PTPRM: variants seen among roughly 807,000 people sequenced by gnomAD.
The protein encoded by PTPRM is receptor-type tyrosine-protein phosphatase mu.
Under a neutral mutation model 186.7 loss-of-function variants are expected in PTPRM, and 47 were observed. The ratio of observed to expected loss-of-function variants is 0.25; its 90% CI spans 0.20 to 0.32. The LOEUF (loss-of-function observed/expected upper bound fraction) is 0.32. PTPRM is among the 10% of genes least tolerant of loss of function. The probability of loss-of-function intolerance (pLI) is 1.00; values close to 1 mark genes in which losing one functional copy is unlikely to be tolerated. For synonymous variants in PTPRM, 668 were observed against 674.9 expected, an observed-to-expected ratio of 0.99 and a Z score of 0.16; for missense variants, 1,494 against 1,865.0, an observed-to-expected ratio of 0.80 and a Z score of 3.66.
At chr18:8,189,513 G>A (rs1044628646) in intron 14 of PTPRM, among the ~76,000 whole-genome samples, 1 of 152,134 alleles carries the variant, frequency 6.6e-6, no homozygotes, top group Non-Finnish European at 1.5e-5. Context: ...AGCCTATTTT[G>A]TTTTATCCTC....
intron 14 of PTPRM, among the ~76,000 whole-genome samples, chr18:8,175,124 A>G (rs2146509238): frequency 6.6e-6 from 1 of 152,266 alleles, no homozygotes; most frequent in East Asian, 1.9e-4. Flanking sequence ...TTTCTGCATC[A>G]CTGGCTTTTG....
chr18:7,645,995 C>T (rs557705755), intron 1 of PTPRM, among the ~76,000 whole-genome samples: 1 of 152,212 alleles, frequency 6.6e-6, no homozygotes, highest in Non-Finnish European at 1.5e-5. Flanking sequence ...ACTGTGTGCC[C>T]ACAACCTTTA....
chr18:7,956,579 G>A (rs188896663), intron 7 of PTPRM, among the ~76,000 whole-genome samples: 2 of 152,290 alleles, frequency 1.3e-5, no homozygotes, highest in Non-Finnish European at 2.9e-5. Flanking sequence ...CTGTTTCTCA[G>A]ACCCCACATC....
chr18:8,099,161 C>CTT (rs2145501961), intron 11 of PTPRM, among the ~76,000 whole-genome samples: 3 of 150,826 alleles, frequency 2.0e-5, no homozygotes, highest in African/African-American at 7.4e-5. Flanking sequence ...CTCTCTCTTT[C>CTT]TCTCTCTCTT....
chr18:8,180,947 TG>T (rs924078243), intron 14 of PTPRM, among the ~76,000 whole-genome samples: 3 of 151,960 alleles, frequency 2.0e-5, no homozygotes, highest in South Asian at 4.2e-4. Flanking sequence ...TGATGGCGGG[TG>T]GGGGGGCCCT....
chr18:8,222,037 G>A (rs2094159376), intron 14 of PTPRM, among the ~76,000 whole-genome samples: 1 of 152,144 alleles, frequency 6.6e-6, no homozygotes, highest in African/African-American at 2.4e-5. Context: ...TGGAGTCTCT[G>A]AGCCTACTTT....
intron 13 of PTPRM, among the ~76,000 whole-genome samples, chr18:8,130,428 T>C (rs556447478): frequency 6.6e-6 from 1 of 152,162 alleles, no homozygotes; most frequent in African/African-American, 2.4e-5. Flanking sequence ...TGATAAATAA[T>C]GCAAAAACGT....
intron 4 of PTPRM, among the ~76,000 whole-genome samples, chr18:7,918,328 G>T (rs929629025): frequency 1.2e-4 from 18 of 151,922 alleles, no homozygotes; most frequent in African/African-American, 3.9e-4. Context: ...TTTTTCATAG[G>T]GGCTGTACTA....
At chr18:7,897,762 C>T (rs1039325043) in intron 3 of PTPRM, among the ~76,000 whole-genome samples, 2 of 152,156 alleles carry the variant, frequency 1.3e-5, no homozygotes, top group Non-Finnish European at 2.9e-5. Flanking sequence ...CATATCAACC[C>T]TGTTCTTTAT....
chr18:8,306,730 A>G (rs546864977), intron 20 of PTPRM, among the ~76,000 whole-genome samples: 2 of 152,334 alleles, frequency 1.3e-5, no homozygotes, highest in Admixed American at 1.3e-4. Flanking sequence ...GGCCCCTCCC[A>G]GCTGGTAAGC....
intron 7 of PTPRM, among the ~76,000 whole-genome samples, chr18:8,042,401 G>T (rs2086750627): frequency 6.6e-6 from 1 of 152,074 alleles, no homozygotes. Flanking sequence ...AGAATGAATG[G>T]TTTAAAAATT....
At chr18:8,011,988 C>T (rs578221549) in intron 7 of PTPRM, among the ~76,000 whole-genome samples, 32 of 152,066 alleles carry the variant, frequency 2.1e-4, no homozygotes, top group Admixed American at 5.9e-4. Context: ...ATAGTTCATC[C>T]CTCCTTTTTG....
chr18:7,679,646 C>A (rs2039433289), intron 1 of PTPRM, among the ~76,000 whole-genome samples: 1 of 152,090 alleles, frequency 6.6e-6, no homozygotes, highest in African/African-American at 2.4e-5. Flanking sequence ...GCCTCGGCGA[C>A]AGAGTGAGAC....
intron 1 of PTPRM, among the ~76,000 whole-genome samples, chr18:7,624,694 C>A (rs1567989897): frequency 1.3e-5 from 2 of 152,170 alleles, no homozygotes; most frequent in African/African-American, 2.4e-5. Flanking sequence ...TCAGGCTGAT[C>A]TTGAATTCCT....
chr18:7,859,153 A>G (rs2047226897), intron 2 of PTPRM, among the ~76,000 whole-genome samples: 1 of 152,198 alleles, frequency 6.6e-6, no homozygotes, highest in South Asian at 2.1e-4. Context: ...AGTTCTATCT[A>G]AAGCTGACGC....
intron 1 of PTPRM, among the ~76,000 whole-genome samples, chr18:7,738,746 G>T (rs1051128314): frequency 6.6e-6 from 1 of 152,026 alleles, no homozygotes; most frequent in Non-Finnish European, 1.5e-5. Context: ...CGGCCAGTTC[G>T]TTCAACTTTT....
intron 24 of PTPRM, among the ~76,000 whole-genome samples, chr18:8,374,619 C>G (rs563764319): frequency 6.6e-6 from 1 of 152,320 alleles, no homozygotes; most frequent in Non-Finnish European, 1.5e-5. Context: ...TCATACTACT[C>G]TGGGATCACA....
At chr18:8,324,335 T>A (rs1414794151) in intron 22 of PTPRM, among the ~76,000 whole-genome samples, 1 of 152,204 alleles carries the variant, frequency 6.6e-6, no homozygotes, top group East Asian at 1.9e-4. Context: ...CATCTCAGGC[T>A]GGGTTTTCTG....
At chr18:7,984,529 T>C (rs2082725052) in intron 7 of PTPRM, among the ~76,000 whole-genome samples, 1 of 143,582 alleles carries the variant, frequency 7.0e-6, no homozygotes, top group Non-Finnish European at 1.5e-5. Flanking sequence ...TAATTTTTAA[T>C]TTTTGTGGGT....
Sources: allele counts gnomAD v4.1 joint callset (sites outside exome capture counted in the v4.1 genomes callset), GRCh38; gene constraint gnomAD v4.1.1; transcripts MANE v1.5; gene names NCBI Gene and HGNC (gene_info 2026-07-23, HGNC 2026-07-21).